FBRSL1: variants seen among roughly 807,000 people sequenced by gnomAD.
FBRSL1 encodes the protein fibrosin-1-like protein.
In FBRSL1, 51 loss-of-function variants were observed where a neutral mutation model predicts 89.6. That is an observed-to-expected ratio of 0.57 (90% confidence interval 0.45 to 0.72). FBRSL1 has a LOEUF of 0.72. Among genes scored for constraint, FBRSL1 ranks in the 30% least tolerant of loss-of-function variants. FBRSL1 has a pLI of 0.00. For missense variants in FBRSL1, 1,618 were observed against 1,451.8 expected (o/e 1.11, Z -1.86); for synonymous variants, 779 against 681.1 (o/e 1.14, Z -2.24).
At chr12:132,559,681 C>T (rs977052532) in intron 5 of FBRSL1, among the ~76,000 whole-genome samples, 6 of 152,230 alleles carry the variant, frequency 3.9e-5, no homozygotes, top group African/African-American at 9.6e-5. Context: ...TTTCAGGCGC[C>T]GGCCACCGCG....
chr12:132,582,025 C>A, intron 17 of FBRSL1, 37 bp from the exon 18 acceptor site: 9 of 1,492,668 alleles, frequency 6.0e-6, no homozygotes, highest in Non-Finnish European at 4.5e-6. Context: ...GGGGAGCAGA[C>A]AGACCCAACC....
rs781279810 is a variant in FBRSL1, at chr12:132,584,683, C to G, written c.*905C>G. On this transcript the variant is annotated 3_prime_UTR_variant, in exon 19 of 19. Transcript: ENST00000680143. Reference sequence around the variant, plus strand: ...AGCAGAACAGCACTCCTGGGCGGCTCCTGTGGGCTTCAGGACTGGCCGGCT... The same window carrying G: ...AGCAGAACAGCACTCCTGGGCGGCTGCTGTGGGCTTCAGGACTGGCCGGCT... The G allele has an allele frequency of 6.6e-6, 1 of 152,328 alleles. No individual in the cohort carries two copies. The highest frequency in any genetic ancestry group is 2.4e-5 in the African/African-American group (1 of 41,400). The allele number at this position is 152,328 out of a possible 1,614,324, so 9.4% of individuals were successfully genotyped here.
chr12:132,508,221 G>A lies in FBRSL1; in HGVS notation c.360G>A (p.Arg120=), dbSNP rs754432102. The A allele has an allele frequency of 1.9e-6, 3 of 1,551,186 alleles. No individual in the cohort carries two copies. The highest frequency in any genetic ancestry group is 2.4e-5 in the East Asian group (1 of 40,898). The change falls in exon 2 of 19, where the codon CGG becomes CGA. Residue 120 remains arginine (R), a synonymous_variant. Coordinates refer to ENST00000680143, the MANE Select transcript of FBRSL1 (RefSeq NM_001367871.1). ...KWERRLIKKP[R]ESETCPPAEP... ...AGCGTCGTCTCATCAAGAAGCCCCG[G>A]GAGTCGGAAACCTGCCCCCCTGCGG... is the stretch of plus-strand genomic sequence containing the variant.
At chr12:132,498,606 C>T (rs1341027692) in intron 1 of FBRSL1, among the ~76,000 whole-genome samples, 1 of 152,260 alleles carries the variant, frequency 6.6e-6, no homozygotes, top group Non-Finnish European at 1.5e-5. Flanking sequence ...TGCTCTACAG[C>T]CTGGAATGTC....
At chr12:132,517,380 C>G (rs371911232) in intron 2 of FBRSL1, among the ~76,000 whole-genome samples, 1 of 152,218 alleles carries the variant, frequency 6.6e-6, no homozygotes, top group Admixed American at 6.5e-5. Context: ...CGTTCCGGGG[C>G]GAGCATGGCC....
At chr12:132,544,337 C>T (rs888900379) in intron 4 of FBRSL1, among the ~76,000 whole-genome samples, 1 of 152,116 alleles carries the variant, frequency 6.6e-6, no homozygotes, top group Admixed American at 6.6e-5. Context: ...GCCATTGGAG[C>T]TCAGGACAAG....
At chr12:132,568,363 G>A (rs745361397) in intron 6 of FBRSL1, among the ~76,000 whole-genome samples, 7 of 152,280 alleles carry the variant, frequency 4.6e-5, no homozygotes, top group Non-Finnish European at 8.8e-5. Flanking sequence ...AGCAGGCATG[G>A]CCTTCACCTG....
At position 132,490,792 on chromosome 12, in the gene FBRSL1, C is replaced by T. The variant is rs2030732774; in HGVS notation, c.222C>T (p.Ser74=). Residue 74 remains serine (S), a synonymous_variant, in exon 1 of 19, where the codon TCC becomes TCT. Coordinates refer to ENST00000680143, the MANE Select transcript of FBRSL1 (RefSeq NM_001367871.1). ...ARPPRRRRRE[S]SSQEEEVIDG... ...CCCCGCGCCGCCGCCGCCGCGAGTC[C>T]AGCTCGCAGGAGGAGGAGGTCATCG... The T allele has an allele frequency of 2.3e-6, 3 of 1,300,578 alleles. No homozygotes were observed. The highest frequency in any genetic ancestry group is 2.9e-6 in the Non-Finnish European group (3 of 1,022,808). 80.6% of individuals were successfully genotyped at this position (1,300,578 alleles called of 1,614,324 possible).
At chr12:132,578,338 C>T (rs1222886766) in intron 15 of FBRSL1, among the ~76,000 whole-genome samples, 2 of 143,504 alleles carry the variant, frequency 1.4e-5, no homozygotes, top group Non-Finnish European at 3.1e-5. Flanking sequence ...GAGCAAGACC[C>T]TGTCTCACAC....
chr12:132,512,105 C>T (rs945057248), intron 2 of FBRSL1, among the ~76,000 whole-genome samples: 2 of 152,210 alleles, frequency 1.3e-5, no homozygotes, highest in African/African-American at 4.8e-5. Flanking sequence ...TCCTGCCCAC[C>T]CATCTGAGGC....
chr12:132,582,369 C>T (rs2040825326), intron 18 of FBRSL1, 103 bp downstream of exon 18: 8 of 939,848 alleles, frequency 8.5e-6, no homozygotes, highest in Middle Eastern at 2.9e-4. Flanking sequence ...CTCTTCTCCC[C>T]GTTTCCTCTC....
intron 4 of FBRSL1, among the ~76,000 whole-genome samples, chr12:132,536,302 G>T (rs938820980): frequency 2.7e-5 from 4 of 146,356 alleles, no homozygotes; most frequent in Admixed American, 2.0e-4. Flanking sequence ...TACATGACGG[G>T]GTGTGTGAGT....
At chr12:132,515,485 G>A (rs376817236) in intron 2 of FBRSL1, among the ~76,000 whole-genome samples, 273 of 140,258 alleles carry the variant, frequency 1.9e-3, no homozygotes, top group African/African-American at 6.9e-3. Flanking sequence ...GCTTATATGG[G>A]AAAAGAAGAA....
chr12:132,567,360 A>G, intron 5 of FBRSL1, 121 bp from the exon 6 acceptor site: 1 of 915,080 alleles, frequency 1.1e-6, no homozygotes, highest in South Asian at 1.5e-5. Flanking sequence ...GGCATCCACA[A>G]GGGCACATCC....
intron 1 of FBRSL1, among the ~76,000 whole-genome samples, chr12:132,503,009 AGCTCTTCCCGGCCC>A (rs1437439523): frequency 6.6e-6 from 1 of 151,744 alleles, no homozygotes; most frequent in African/African-American, 2.4e-5. Context: ...GTCTGCAGGT[AGCTCTTCCCGGCCC>A]GCACAGGGCC....
chr12:132,577,967 T>C (rs2040484922), intron 15 of FBRSL1, among the ~76,000 whole-genome samples: 2 of 152,148 alleles, frequency 1.3e-5, no homozygotes. Context: ...AGCATGAGCA[T>C]CCACATACAG....
chr12:132,505,654 G>A (rs1402995728), intron 1 of FBRSL1, among the ~76,000 whole-genome samples: 2 of 152,218 alleles, frequency 1.3e-5, no homozygotes, highest in East Asian at 1.9e-4. Flanking sequence ...GTGCAGCGGT[G>A]GGGCTGGCAA....
chr12:132,569,219 G>C (rs1303983910), intron 6 of FBRSL1, among the ~76,000 whole-genome samples: 1 of 152,032 alleles, frequency 6.6e-6, no homozygotes, highest in Non-Finnish European at 1.5e-5. Flanking sequence ...GCGGGGGTGG[G>C]GGGGGCAGGC....
At chr12:132,541,903 ACC>A (rs146050475) in intron 4 of FBRSL1, among the ~76,000 whole-genome samples, 15,358 of 152,054 alleles carry the variant, frequency 0.1, 941 homozygotes, top group Non-Finnish European at 0.14. Context: ...TGCTCCCCCC[ACC>A]ACCCCGAACC....
Sources: gnomAD v4.1 joint callset for allele counts (sites outside exome capture counted in the v4.1 genomes callset) on GRCh38, gnomAD v4.1.1 for gene constraint, MANE v1.5 for transcripts, NCBI Gene and HGNC (gene_info 2026-07-23, HGNC 2026-07-21) for gene names.